Variants in CDH20 observed in about 807,000 individuals in gnomAD.
CDH20 encodes cadherin-20.
CDH20 carries 29 observed loss-of-function variants against 74.2 expected under a neutral mutation model. That is an observed-to-expected ratio of 0.39 (90% CI 0.29 to 0.53). The LOEUF (loss-of-function observed/expected upper bound fraction) is 0.53, where lower values mean the gene tolerates loss of function less well. Among genes scored for constraint, CDH20 ranks in the 20% least tolerant of loss-of-function variants. The pLI is 0.69. For missense variants in CDH20, 988 were observed against 1,048.3 expected, an observed-to-expected ratio of 0.94 and a Z score of 0.79; for synonymous variants, 469 against 405.4, an observed-to-expected ratio of 1.16 and a Z score of -1.88.
intron 1 of CDH20, among the ~76,000 whole-genome samples, chr18:61,446,088 C>A (rs1342294424): frequency 2.6e-5 from 4 of 152,190 alleles, no homozygotes; most frequent in African/African-American, 9.7e-5. Flanking sequence ...GCCTCAGAAC[C>A]CACACAGCAT....
intron 1 of CDH20, among the ~76,000 whole-genome samples, chr18:61,484,550 C>T (rs1326783921): frequency 6.6e-6 from 1 of 152,140 alleles, no homozygotes; most frequent in Non-Finnish European, 1.5e-5. Flanking sequence ...GGCATGAACT[C>T]TAGAGCAAGG....
chr18:61,431,204 A>G (rs1913240055), intron 1 of CDH20, among the ~76,000 whole-genome samples: 1 of 152,090 alleles, frequency 6.6e-6, no homozygotes, highest in African/African-American at 2.4e-5. Flanking sequence ...TGTAACTCCT[A>G]TGTAACCATA....
At chr18:61,441,159 A>G (rs923829926) in intron 1 of CDH20, among the ~76,000 whole-genome samples, 17 of 152,150 alleles carry the variant, frequency 1.1e-4, no homozygotes, top group African/African-American at 3.9e-4. Flanking sequence ...CTATGATATA[A>G]TAGCCCTCTA....
At chr18:61,533,776 T>A (rs1338693670) in intron 7 of CDH20, among the ~76,000 whole-genome samples, 1 of 151,920 alleles carries the variant, frequency 6.6e-6, no homozygotes, top group Non-Finnish European at 1.5e-5. Flanking sequence ...AAGTCTTTAA[T>A]CCATTTTAAG....
In CDH20 at chr18:61,353,613, A is replaced by G. The variant is rs1910383610; in HGVS notation, c.-153+19786A>G. ...TTTAGTGTTTGTTAAGATTTTGTTC[A>G]GTTAAATTTAATGGACCCTCAAATG... On this transcript the variant is annotated intron_variant, in intron 1 of 11. Transcript: ENST00000262717. The surrounding 1 kb of genome is among the most constrained non-coding windows in gnomAD (Gnocchi z 4.6). 6.6e-6 allele frequency among the ~76,000 whole-genome samples: 1 copy of G among 152,218 alleles called. No individual in the cohort carries two copies.
rs1041319837 is a variant in CDH20, at chr18:61,477,704, C to A, written c.-152-12698C>A. Among the ~76,000 whole-genome samples, 20 of 152,002 alleles carry A rather than the reference C, an allele frequency of 1.3e-4. 1 individual carries two copies. The highest frequency in any genetic ancestry group is 3.6e-4 in the African/African-American group (15 of 41,364). On this transcript the variant is annotated intron_variant, in intron 1 of 11. Coordinates refer to ENST00000262717, the MANE Select transcript of CDH20 (RefSeq NM_031891.4). ...TATATTATAATTAGCTCCTTAAGAT[C>A]CATCAGTAATTTTAAAGACGTGGCA...
intron 8 of CDH20, among the ~76,000 whole-genome samples, chr18:61,537,054 C>T (rs973334960): frequency 6.6e-6 from 1 of 151,848 alleles, no homozygotes; most frequent in Non-Finnish European, 1.5e-5. Context: ...ATTTGAGATA[C>T]CTTACAATAA....
At chr18:61,391,775 A>T (rs1194012778) in intron 1 of CDH20, 1 of 152,214 alleles carries the variant, frequency 6.6e-6, no homozygotes, top group African/African-American at 2.4e-5. Flanking sequence ...AAAAGAAAAC[A>T]TAATAATCCA....
chr18:61,413,087 C>T (rs192021051), intron 1 of CDH20, among the ~76,000 whole-genome samples: 190 of 152,320 alleles, frequency 1.2e-3, no homozygotes, highest in Non-Finnish European at 2.1e-3. Context: ...TCTTTCTCTG[C>T]AAACCCCAAC....
chr18:61,384,248 G>A (rs914118341), intron 1 of CDH20, among the ~76,000 whole-genome samples: 2 of 152,016 alleles, frequency 1.3e-5, no homozygotes, highest in African/African-American at 2.4e-5. Context: ...GATTAAAATC[G>A]TTTATCATCA....
At chr18:61,527,486 T>C (rs2144370413) in intron 6 of CDH20, among the ~76,000 whole-genome samples, 1 of 152,226 alleles carries the variant, frequency 6.6e-6, no homozygotes, top group South Asian at 2.1e-4. Flanking sequence ...TGTGAAGTCT[T>C]TTCAAATGAG....
chr18:61,484,796 A>G (rs903483476), intron 1 of CDH20, among the ~76,000 whole-genome samples: 3 of 149,132 alleles, frequency 2.0e-5, no homozygotes, highest in African/African-American at 5.0e-5. Flanking sequence ...CATCCCTACC[A>G]TTATACAAAA....
chr18:61,365,444 G>A (rs1173830490), intron 1 of CDH20, among the ~76,000 whole-genome samples: 1 of 152,140 alleles, frequency 6.6e-6, no homozygotes, highest in East Asian at 1.9e-4. Flanking sequence ...GGGTAAAGCA[G>A]ATAATCACAC....
intron 2 of CDH20, among the ~76,000 whole-genome samples, chr18:61,492,135 G>T (rs1910980487): frequency 6.6e-6 from 1 of 152,038 alleles, no homozygotes; most frequent in South Asian, 2.1e-4. Context: ...AATGTAGTGT[G>T]TCCAGTAAGA....
chr18:61,367,686 C>A (rs1422755608), intron 1 of CDH20, among the ~76,000 whole-genome samples: 1 of 152,114 alleles, frequency 6.6e-6, no homozygotes, highest in African/African-American at 2.4e-5. Context: ...ATTTAAAGAA[C>A]CTGCATTAGT....
intron 1 of CDH20, among the ~76,000 whole-genome samples, chr18:61,361,473 C>T (rs1910692735): frequency 6.6e-6 from 1 of 152,190 alleles, no homozygotes; most frequent in South Asian, 2.1e-4. Flanking sequence ...CTAAGTCAAT[C>T]AGCCTTTTGA....
At chr18:61,472,206 A>T (rs1406650054) in intron 1 of CDH20, among the ~76,000 whole-genome samples, 1 of 151,890 alleles carries the variant, frequency 6.6e-6, no homozygotes, top group African/African-American at 2.4e-5. Flanking sequence ...TAATCACCTA[A>T]CTTAAGAGAT....
At chr18:61,468,549 C>A (rs1910048720) in intron 1 of CDH20, among the ~76,000 whole-genome samples, 1 of 152,176 alleles carries the variant, frequency 6.6e-6, no homozygotes, top group Non-Finnish European at 1.5e-5. Context: ...ACTTTTAATG[C>A]ACTGTGTTTC....
intron 5 of CDH20, among the ~76,000 whole-genome samples, chr18:61,503,682 C>T (rs1440734273): frequency 6.6e-6 from 1 of 152,204 alleles, no homozygotes; most frequent in Non-Finnish European, 1.5e-5. Flanking sequence ...AATCCTGTCT[C>T]TGCCCTTGTG....
Sources: allele counts gnomAD v4.1 joint callset (sites outside exome capture counted in the v4.1 genomes callset), GRCh38; gene constraint gnomAD v4.1.1; non-coding constraint Gnocchi (gnomAD v3.1); transcripts MANE v1.5; gene names NCBI Gene and HGNC (gene_info 2026-07-23, HGNC 2026-07-21).